Variants in FGF14 observed in about 807,000 individuals in gnomAD.
FGF14 encodes the protein fibroblast growth factor 14.
Under a neutral mutation model 25.5 loss-of-function variants are expected in FGF14, and 5 were observed. The ratio of observed to expected loss-of-function variants is 0.20; its 90% CI spans 0.10 to 0.41. The LOEUF is 0.41. FGF14 is among the 10% of genes least tolerant of loss of function. The pLI is 1.00. For missense variants in FGF14, 222 were observed against 320.1 expected (o/e 0.69, Z 2.34); for synonymous variants, 138 against 118.3 (o/e 1.17, Z -1.08).
intron 2 of FGF14, among the ~76,000 whole-genome samples, chr13:101,873,253 T>C (rs2045211974): frequency 6.6e-6 from 1 of 152,128 alleles, no homozygotes; most frequent in South Asian, 2.1e-4. Context: ...ATTCCTATCA[T>C]TAAAGGTAAC....
chr13:102,067,600 CAG>C (rs2042956489), intron 1 of FGF14, among the ~76,000 whole-genome samples: 1 of 150,726 alleles, frequency 6.6e-6, no homozygotes, highest in Non-Finnish European at 1.5e-5. Context: ...AATGCACAGT[CAG>C]GGGAGACAAA....
At chr13:101,931,447 G>A (rs901867589) in intron 1 of FGF14, among the ~76,000 whole-genome samples, 3 of 152,162 alleles carry the variant, frequency 2.0e-5, no homozygotes, top group African/African-American at 7.2e-5. Context: ...AACACCAAGA[G>A]ACTTCACAAT....
At chr13:102,137,647 ACTC>A (rs995996718) in intron 1 of FGF14, among the ~76,000 whole-genome samples, 6 of 151,736 alleles carry the variant, frequency 4.0e-5, no homozygotes, top group African/African-American at 1.2e-4. Context: ...ATAATTAATA[ACTC>A]CTCATTTTAC....
intron 1 of FGF14, among the ~76,000 whole-genome samples, chr13:101,879,673 A>G (rs1444778959): frequency 6.6e-6 from 1 of 152,162 alleles, no homozygotes; most frequent in Non-Finnish European, 1.5e-5. Context: ...CATACGAACT[A>G]TGTTTATATA....
At chr13:102,042,945 CA>C (rs924967468) in intron 1 of FGF14, among the ~76,000 whole-genome samples, 3 of 152,054 alleles carry the variant, frequency 2.0e-5, no homozygotes, top group African/African-American at 7.2e-5. Flanking sequence ...GCAGTGACAA[CA>C]AAAATATCTC....
chr13:102,037,048 G>C (rs757341837), intron 1 of FGF14, among the ~76,000 whole-genome samples: 1 of 152,084 alleles, frequency 6.6e-6, no homozygotes, highest in Non-Finnish European at 1.5e-5. Context: ...ATGTTCATCA[G>C]TGCACAATTG....
intron 3 of FGF14, among the ~76,000 whole-genome samples, chr13:101,843,049 A>G (rs2043269430): frequency 6.6e-6 from 1 of 152,062 alleles, no homozygotes; most frequent in South Asian, 2.1e-4. Context: ...TGTATTAAGC[A>G]CCTGTAGTGT....
chr13:102,149,176 T>C (rs942236987), intron 1 of FGF14, among the ~76,000 whole-genome samples: 2 of 151,820 alleles, frequency 1.3e-5, no homozygotes, highest in African/African-American at 2.4e-5. Flanking sequence ...TAAAATAATA[T>C]CATTATTTTA....
intron 1 of FGF14, among the ~76,000 whole-genome samples, chr13:102,384,619 G>A (rs1253597039): frequency 6.6e-6 from 1 of 151,992 alleles, no homozygotes; most frequent in Non-Finnish European, 1.5e-5. Flanking sequence ...TAGCATCAGA[G>A]CCACAAAAAT....
At chr13:101,799,707 CA>C (rs2040759800) in intron 3 of FGF14, among the ~76,000 whole-genome samples, 1 of 152,056 alleles carries the variant, frequency 6.6e-6, no homozygotes, top group Non-Finnish European at 1.5e-5. Flanking sequence ...ACTTCCTTCC[CA>C]AAGTCTACTA....
chr13:102,396,381 TAA>T (rs2058584585), intron 1 of FGF14, among the ~76,000 whole-genome samples: 1 of 152,226 alleles, frequency 6.6e-6, no homozygotes, highest in Admixed American at 6.5e-5. Context: ...CTATTTTGAA[TAA>T]ATGCTTCCAT....
chr13:101,834,022 T>C (rs1350635732), intron 3 of FGF14, among the ~76,000 whole-genome samples: 1 of 152,132 alleles, frequency 6.6e-6, no homozygotes, highest in Admixed American at 6.6e-5. Context: ...AGCTGCTTCA[T>C]TTCTGAAACG....
At chr13:101,994,621 T>G (rs1392915513) in intron 1 of FGF14, among the ~76,000 whole-genome samples, 2 of 152,114 alleles carry the variant, frequency 1.3e-5, no homozygotes, top group African/African-American at 4.8e-5. Context: ...TTGTGCAACT[T>G]TTATTTCATT....
At chr13:102,235,436 C>T (rs2051284647) in intron 1 of FGF14, among the ~76,000 whole-genome samples, 1 of 152,074 alleles carries the variant, frequency 6.6e-6, no homozygotes, top group African/African-American at 2.4e-5. Flanking sequence ...GCCATAAGTG[C>T]CCTGGTCACC....
intron 1 of FGF14, among the ~76,000 whole-genome samples, chr13:102,054,525 A>T (rs9518616): frequency 0.34 from 51,197 of 151,658 alleles, 9,472 homozygotes; most frequent in East Asian, 0.72. Context: ...ACCTCTTCTC[A>T]GTCTGTTCCC....
At chr13:102,253,190 T>A (rs1407080351) in intron 1 of FGF14, among the ~76,000 whole-genome samples, 1 of 152,198 alleles carries the variant, frequency 6.6e-6, no homozygotes, top group Non-Finnish European at 1.5e-5. Flanking sequence ...TACGCAGTAA[T>A]GGGATTGCTG....
chr13:101,806,850 A>G (rs534703529), intron 3 of FGF14, among the ~76,000 whole-genome samples: 18 of 152,262 alleles, frequency 1.2e-4, no homozygotes, highest in African/African-American at 4.3e-4. Flanking sequence ...AGTAAAGACT[A>G]TTGTTCCTGA....
At chr13:101,880,126 G>C (rs917949528) in intron 1 of FGF14, among the ~76,000 whole-genome samples, 1 of 152,140 alleles carries the variant, frequency 6.6e-6, no homozygotes, top group African/African-American at 2.4e-5. Flanking sequence ...AGTTACTTCA[G>C]AGTGATTACC....
chr13:101,954,168 G>A (rs552723806), intron 1 of FGF14, among the ~76,000 whole-genome samples: 11 of 152,118 alleles, frequency 7.2e-5, no homozygotes, highest in South Asian at 4.2e-4. Flanking sequence ...AACTAAATGC[G>A]TCAACTAATC....
Sources: allele counts gnomAD v4.1 joint callset (sites outside exome capture counted in the v4.1 genomes callset), GRCh38; gene constraint gnomAD v4.1.1; transcripts MANE v1.5; gene names NCBI Gene and HGNC (gene_info 2026-07-23, HGNC 2026-07-21).